The following SYT1 variants were observed in gnomAD, a reference collection of about 807,000 sequenced individuals.
SYT1 encodes synaptotagmin 1, also known as synaptotagmin-1.
A neutral mutation model predicts 44.8 loss-of-function variants in SYT1; 8 were observed. That is an observed-to-expected ratio of 0.18 (90% CI 0.10 to 0.32). The LOEUF is 0.32. SYT1 is among the 10% of genes least tolerant of loss of function. The probability of loss-of-function intolerance (pLI) is 1.00; values close to 1 mark genes in which losing one functional copy is unlikely to be tolerated. For synonymous variants in SYT1, 154 were observed against 188.8 expected (o/e 0.82, Z 1.51); for missense variants, 286 against 509.3 (o/e 0.56, Z 4.22).
At chr12:79,139,150 C>T (rs1158826809) in intron 3 of SYT1, among the ~76,000 whole-genome samples, 3 of 152,142 alleles carry the variant, frequency 2.0e-5, no homozygotes, top group Non-Finnish European at 4.4e-5. Flanking sequence ...TCGCAGGCCT[C>T]CTACATAAGG....
intron 1 of SYT1, among the ~76,000 whole-genome samples, chr12:78,914,102 TTCAA>T (rs567075833): frequency 3.3e-5 from 2 of 61,130 alleles, no homozygotes; most frequent in East Asian, 6.3e-4. Context: ...GATATTAATG[TTCAA>T]TTAATTATTC....
chr12:79,209,652 T>C (rs776020807), intron 3 of SYT1, among the ~76,000 whole-genome samples: 1 of 152,184 alleles, frequency 6.6e-6, no homozygotes, highest in East Asian at 1.9e-4. Context: ...ACTCCCTGGC[T>C]GTGAGCAATC....
intron 3 of SYT1, among the ~76,000 whole-genome samples, chr12:79,051,553 A>G (rs1375465623): frequency 6.6e-6 from 1 of 151,636 alleles, no homozygotes; most frequent in African/African-American, 2.4e-5. Flanking sequence ...AAATGTGAGG[A>G]CATTCAAGAT....
At chr12:79,434,940 G>A (rs555214622) in intron 9 of SYT1, among the ~76,000 whole-genome samples, 48 of 152,050 alleles carry the variant, frequency 3.2e-4, no homozygotes, top group African/African-American at 1.1e-3. Context: ...CAATTCCAAA[G>A]GTAGGTCTAC....
chr12:78,890,579 G>A (rs1422712153), intron 1 of SYT1, among the ~76,000 whole-genome samples: 1 of 151,818 alleles, frequency 6.6e-6, no homozygotes, highest in East Asian at 1.9e-4. Context: ...AAACTAGACT[G>A]TTCAGGATGC....
intron 1 of SYT1, among the ~76,000 whole-genome samples, chr12:78,867,511 T>C (rs1268485446): frequency 6.6e-6 from 1 of 152,068 alleles, no homozygotes; most frequent in Non-Finnish European, 1.5e-5. Flanking sequence ...TCCCACAAAA[T>C]AGTCTAATGT....
rs1565841959 is a variant in SYT1, at chr12:79,179,360, A to AGATATATCAATATATCTATATC, written c.-17-38137_-17-38136insTCAATATATCTATATCGATATA. ...TATATCGATATGTCTATATCGATAT[A>AGATATATCAATATATCTATATC]GATATAGATATAGATATAGATATAT... On this transcript the variant is annotated intron_variant, in intron 3 of 10. Coordinates refer to ENST00000261205, the MANE Select transcript of SYT1 (RefSeq NM_005639.3). Among the ~76,000 whole-genome samples, 456 of 66,420 alleles carry AGATATATCAATATATCTATATC rather than the reference A, an allele frequency of 6.9e-3. 37 individuals carry two copies. The highest frequency in any genetic ancestry group is 0.034 in the African/African-American group (413 of 12,316). 43.6% of individuals were successfully genotyped at this position (66,420 alleles called of 152,430 possible). A position where few individuals can be genotyped will look rare whatever the true frequency, so the allele number is the denominator to read the frequency against.
At chr12:79,318,384 G>A (rs1290043346) in intron 8 of SYT1, among the ~76,000 whole-genome samples, 1 of 152,160 alleles carries the variant, frequency 6.6e-6, no homozygotes, top group African/African-American at 2.4e-5. Context: ...GTCCTCGAAT[G>A]GAACCCTGCT....
chr12:79,359,449 C>A (rs893427457), intron 9 of SYT1, among the ~76,000 whole-genome samples: 1 of 152,134 alleles, frequency 6.6e-6, no homozygotes, highest in Non-Finnish European at 1.5e-5. Flanking sequence ...TGAAATGAAA[C>A]CTGTACTGTG....
chr12:79,299,197 A>C (rs1004692621), intron 7 of SYT1, among the ~76,000 whole-genome samples, 187 bp from the exon 8 acceptor site: 4 of 152,060 alleles, frequency 2.6e-5, no homozygotes, highest in African/African-American at 9.7e-5. Flanking sequence ...AAAATTTCCC[A>C]TTTTCTCTCA....
intron 9 of SYT1, among the ~76,000 whole-genome samples, chr12:79,365,947 A>G (rs1478776662): frequency 6.6e-6 from 1 of 152,080 alleles, no homozygotes; most frequent in Non-Finnish European, 1.5e-5. Flanking sequence ...TTATTATGAT[A>G]ACAACTTGAA....
At chr12:79,028,769 T>G (rs538181595) in intron 2 of SYT1, among the ~76,000 whole-genome samples, 1 of 151,408 alleles carries the variant, frequency 6.6e-6, no homozygotes, top group East Asian at 1.9e-4. Context: ...AACAATGAAA[T>G]GTATAAGTAT....
chr12:79,325,275 G>C (rs1178716353), intron 8 of SYT1, among the ~76,000 whole-genome samples: 3 of 152,102 alleles, frequency 2.0e-5, no homozygotes, highest in African/African-American at 7.2e-5. Context: ...GAGAGTTCCT[G>C]GTATTTACAG....
chr12:79,418,528 C>T (rs549492978), intron 9 of SYT1, among the ~76,000 whole-genome samples: 1 of 152,212 alleles, frequency 6.6e-6, no homozygotes, highest in Non-Finnish European at 1.5e-5. Context: ...TCTTTGTGAC[C>T]TTGTGGGTGA....
intron 9 of SYT1, chr12:79,392,150 T>C (rs901468899): frequency 5.3e-5 from 8 of 152,218 alleles, no homozygotes; most frequent in African/African-American, 1.7e-4. Flanking sequence ...GACCACCACA[T>C]TTCAATATTT....
At chr12:79,441,567 G>A (rs1870422702) in intron 9 of SYT1, among the ~76,000 whole-genome samples, 2 of 151,932 alleles carry the variant, frequency 1.3e-5, no homozygotes, top group South Asian at 4.1e-4. Flanking sequence ...TACCTGCCTC[G>A]GCCTCCCAAA....
At chr12:79,283,909 A>G (rs1046771340) in intron 4 of SYT1, among the ~76,000 whole-genome samples, 3 of 151,734 alleles carry the variant, frequency 2.0e-5, no homozygotes, top group Non-Finnish European at 4.4e-5. Context: ...AATATTATGC[A>G]TAGTAAGTAT....
At chr12:79,106,110 TC>T (rs1207558009) in intron 3 of SYT1, among the ~76,000 whole-genome samples, 2 of 152,146 alleles carry the variant, frequency 1.3e-5, no homozygotes, top group African/African-American at 4.8e-5. Context: ...GCTCTGAGAT[TC>T]CTGCAGCTAT....
chr12:79,223,175 T>A (rs1371890400), intron 4 of SYT1, among the ~76,000 whole-genome samples: 1 of 152,226 alleles, frequency 6.6e-6, no homozygotes, highest in Non-Finnish European at 1.5e-5. Flanking sequence ...TTCTTCTTGA[T>A]CTTTATGATC....
Sources: gnomAD v4.1 joint callset for allele counts (sites outside exome capture counted in the v4.1 genomes callset) on GRCh38, gnomAD v4.1.1 for gene constraint, MANE v1.5 for transcripts, NCBI Gene and HGNC (gene_info 2026-07-23, HGNC 2026-07-21) for gene names.